ALK: variants seen among roughly 807,000 people sequenced by gnomAD.
The protein encoded by ALK is ALK tyrosine kinase receptor.
Under a neutral mutation model 163.1 loss-of-function variants are expected in ALK, and 74 were observed. The ratio of observed to expected loss-of-function variants is 0.45; its 90% CI spans 0.38 to 0.55. ALK has a LOEUF of 0.55. ALK is among the 20% of genes least tolerant of loss of function. The pLI is 0.00. For missense variants in ALK, 2,063 were observed against 2,105.3 expected (o/e 0.98, Z 0.39); for synonymous variants, 960 against 843.2 (o/e 1.14, Z -2.40).
In ALK at chr2:29,856,276, CA is replaced by C. The variant is rs1401002782; in HGVS notation, c.667+63716del. On this transcript the variant is annotated intron_variant, in intron 1 of 28. Transcript: ENST00000389048. ...TCATCTGTAAAGTGAGAAATAATAACAGCATCTTTATTTTAGAGTCATTGTG... is the reference window on the plus strand; with the variant it reads ...TCATCTGTAAAGTGAGAAATAATAACGCATCTTTATTTTAGAGTCATTGTG... Among the ~76,000 whole-genome samples, 3 of 152,140 alleles carry C rather than the reference CA, an allele frequency of 2.0e-5. No individual in the cohort carries two copies. In the East Asian group the frequency reaches 5.8e-4, roughly 29 times the overall value.
intron 3 of ALK, among the ~76,000 whole-genome samples, chr2:29,693,406 T>TACAC (rs58588313): frequency 0.022 from 3,128 of 145,026 alleles, 38 homozygotes; most frequent in Middle Eastern, 0.056. Flanking sequence ...AGCACTCACC[T>TACAC]ACACACACAC....
At chr2:29,537,121 T>A (rs1673279285) in intron 3 of ALK, among the ~76,000 whole-genome samples, 1 of 152,218 alleles carries the variant, frequency 6.6e-6, no homozygotes, top group African/African-American at 2.4e-5. Flanking sequence ...AAGAACTTTT[T>A]CAGGGGAGGA....
intron 5 of ALK, among the ~76,000 whole-genome samples, chr2:29,369,846 G>A (rs1668599177): frequency 6.6e-6 from 1 of 152,156 alleles, no homozygotes; most frequent in South Asian, 2.1e-4. Flanking sequence ...ATAAATAAAT[G>A]ATATGGTTCT....
rs970679600 is a variant in ALK, at chr2:29,197,800, CAT to C, written c.3939-126_3939-125del. 4.8e-6 allele frequency: 4 copies of C among 834,322 alleles called. No individual in the cohort carries two copies. The African/African-American group carries it at 5.0e-5, about 10-fold the overall frequency. 51.7% of individuals were successfully genotyped at this position (834,322 alleles called of 1,614,324 possible). A position where few individuals can be genotyped will look rare whatever the true frequency, so the allele number is the denominator to read the frequency against. The stretch of plus-strand genomic sequence containing the variant: ...TCCCCCATTATACCCTTTTCCATAA[CAT>C]AGAACTCTTAAAATGTAGAAAAATT... On this transcript the variant is annotated intron_variant, in intron 26 of 28. Coordinates refer to ENST00000389048, the MANE Select transcript of ALK (RefSeq NM_004304.5).
chr2:29,280,081 C>T (rs539741089), intron 9 of ALK, among the ~76,000 whole-genome samples: 2 of 149,360 alleles, frequency 1.3e-5, no homozygotes, highest in African/African-American at 2.5e-5. Context: ...GAGCAAGAGT[C>T]CTGGCATGTA....
In ALK at chr2:29,344,091, T is replaced by C. The variant is rs60200280; in HGVS notation, c.1283-15610A>G. ...AGGGGCACAAGTGTCTCCTACATAG[T>C]AGGTATTCAATAAATAGTAGACAAT... On this transcript the variant is annotated intron_variant, in intron 5 of 28. Transcript: ENST00000389048. Among the ~76,000 whole-genome samples the C allele has an allele frequency of 3.8e-3, 575 of 152,252 alleles. 2 individuals carry two copies. Among genetic ancestry groups the C allele is most frequent in the African/African-American group, 0.012 (509 of 41,558 alleles).
At chr2:29,822,339 G>A (rs1417289902) in intron 1 of ALK, among the ~76,000 whole-genome samples, 1 of 152,188 alleles carries the variant, frequency 6.6e-6, no homozygotes, top group Non-Finnish European at 1.5e-5. Context: ...TAAAGTCCCA[G>A]GGTACTTAGG....
rs1553315937 is a variant in ALK, at chr2:29,440,318, A to ATTTTTT, written c.1155-56465_1155-56460dup. ...GTTACGTAGGTTACGTGATGAATCA[A>ATTTTTT]TTTTTTTTTTTTTTTTTTGAGACGG... On this transcript the variant is annotated intron_variant, in intron 4 of 28. Transcript: ENST00000389048. Among the ~76,000 whole-genome samples, 4 of 83,160 alleles carry ATTTTTT rather than the reference A, an allele frequency of 4.8e-5. 1 individual carries two copies. Among genetic ancestry groups the ATTTTTT allele is most frequent in the Admixed American group, 2.5e-4 (2 of 8,022 alleles). The allele number at this position is 83,160 out of a possible 152,430, so 54.6% of individuals were successfully genotyped here. A position where few individuals can be genotyped will look rare whatever the true frequency, so the allele number is the denominator to read the frequency against.
At chr2:29,615,108 C>T (rs1023568461) in intron 3 of ALK, among the ~76,000 whole-genome samples, 2 of 152,140 alleles carry the variant, frequency 1.3e-5, no homozygotes, top group Non-Finnish European at 2.9e-5. Context: ...CTTGAGCCAC[C>T]GCACCCAGCC....
intron 1 of ALK, among the ~76,000 whole-genome samples, chr2:29,858,629 G>A (rs1402111167): frequency 6.6e-6 from 1 of 151,952 alleles, no homozygotes; most frequent in Non-Finnish European, 1.5e-5. Context: ...TGTAGTCCCA[G>A]CTATGCCAGA....
rs1305091727 is a variant in ALK at position 29,579,458 on chromosome 2, T to C, written c.953-47342A>G. Among the ~76,000 whole-genome samples the C allele has an allele frequency of 4.6e-5, 7 of 152,228 alleles. No individual in the cohort carries two copies. The South Asian group carries it at 8.3e-4, about 18-fold the overall frequency. On this transcript the variant is annotated intron_variant, in intron 3 of 28. Transcript: ENST00000389048. ...GAACTTCAACAAAATGAAATTCTTA[T>C]CCACATGGGAATGATGTGATAGCAA...
In ALK at chr2:29,457,827, T is replaced by C. The variant is rs1040996061; in HGVS notation, c.1155-73968A>G. 2.0e-5 allele frequency among the ~76,000 whole-genome samples: 3 copies of C among 152,172 alleles called. No individual in the cohort carries two copies. The East Asian group carries it at 5.8e-4, about 29-fold the overall frequency. ...GGTATTATGATTTCCTTCTCATGGA[T>C]GAGGAAACTGATGTTTAGAGAGGTT... On this transcript the variant is annotated intron_variant, in intron 4 of 28. Transcript: ENST00000389048.
rs79383577 is a variant in ALK, at chr2:29,518,526, G to A, written c.1154+13389C>T. Among the ~76,000 whole-genome samples the A allele has an allele frequency of 1.4e-3, 208 of 152,274 alleles. 2 individuals carry two copies. The highest frequency in any genetic ancestry group is 9.8e-3 in the Admixed American group (150 of 15,292). On this transcript the variant is annotated intron_variant, in intron 4 of 28. Coordinates refer to ENST00000389048, the MANE Select transcript of ALK (RefSeq NM_004304.5). ...TACAGCAGCTTTCATGGTTCCTAAC[G>A]GTGTCAACTTTAGGTGGCTGGGGTT...
chr2:29,389,076 C>T (rs915749097), intron 4 of ALK, among the ~76,000 whole-genome samples: 5 of 152,176 alleles, frequency 3.3e-5, no homozygotes, highest in Non-Finnish European at 7.3e-5. Flanking sequence ...TTTGTTGAGT[C>T]GCATTCCATT....
chr2:29,371,125 A>T (rs1573290785), intron 5 of ALK, among the ~76,000 whole-genome samples: 2 of 152,332 alleles, frequency 1.3e-5, no homozygotes, highest in East Asian at 3.9e-4. Context: ...ATGGTTTGCA[A>T]ATTGTGCATT....
intron 3 of ALK, among the ~76,000 whole-genome samples, chr2:29,683,046 T>TATGAACTTACGAGTAATACTCAACAC (rs1277156785): frequency 5.3e-5 from 8 of 152,150 alleles, no homozygotes; most frequent in Non-Finnish European, 1.0e-4. Flanking sequence ...ATACTCAACA[T>TATGAACTTACGAGTAATACTCAACAC]ATGTACTTAC....
At chr2:29,551,721 C>T (rs563214245) in intron 3 of ALK, among the ~76,000 whole-genome samples, 4 of 152,208 alleles carry the variant, frequency 2.6e-5, no homozygotes, top group South Asian at 4.1e-4. Flanking sequence ...TATGACTCTA[C>T]ACACAGAACA....
intron 11 of ALK, among the ~76,000 whole-genome samples, chr2:29,252,627 C>A (rs114837766): frequency 0.017 from 2,587 of 152,228 alleles, 36 homozygotes; most frequent in Non-Finnish European, 0.025. Flanking sequence ...GGTGGAAGTT[C>A]TGGGTGGGGT....
intron 1 of ALK, among the ~76,000 whole-genome samples, chr2:29,890,119 A>C (rs1667106961): frequency 6.6e-6 from 1 of 152,178 alleles, no homozygotes. Flanking sequence ...TTATCTTGAC[A>C]ATTGACTCTA....
Sources: allele counts gnomAD v4.1 joint callset (sites outside exome capture counted in the v4.1 genomes callset), GRCh38; gene constraint gnomAD v4.1.1; transcripts MANE v1.5; gene names NCBI Gene and HGNC (gene_info 2026-07-23, HGNC 2026-07-21).